RBL1: variants seen among roughly 807,000 people sequenced by gnomAD.
RBL1 encodes retinoblastoma-like protein 1.
A neutral mutation model predicts 123.0 loss-of-function variants in RBL1; 82 were observed. The ratio of observed to expected loss-of-function variants is 0.67; its 90% CI spans 0.56 to 0.80. The LOEUF (loss-of-function observed/expected upper bound fraction) is 0.80. RBL1 is among the 30% of genes least tolerant of loss of function. The probability of loss-of-function intolerance (pLI) is 0.00; values close to 1 mark genes in which losing one functional copy is unlikely to be tolerated. For missense variants in RBL1, 1,171 were observed against 1,299.6 expected (o/e 0.90, Z 1.52); for synonymous variants, 405 against 441.3 (o/e 0.92, Z 1.03).
chr20:37,031,009 G>A (rs1174301574), intron 16 of RBL1, among the ~76,000 whole-genome samples: 1 of 151,986 alleles, frequency 6.6e-6, no homozygotes, highest in East Asian at 1.9e-4. Context: ...CTGCGTGACT[G>A]CACTCCAGCC....
At chr20:37,067,761 C>G (rs999663513) in intron 3 of RBL1, among the ~76,000 whole-genome samples, 11 of 77,394 alleles carry the variant, frequency 1.4e-4, no homozygotes, top group African/African-American at 6.5e-4. Context: ...CAGAATGAGA[C>G]TCCTCAAAAA....
At position 37,035,275 on chromosome 20, in the gene RBL1, T is replaced by C. The variant is rs769982656; in HGVS notation, c.2137A>G (p.Thr713Ala). 1 of 1,613,982 alleles carries C rather than the reference T, an allele frequency of 6.2e-7. No homozygotes were observed. Among genetic ancestry groups the C allele is most frequent in the Non-Finnish European group, 8.5e-7 (1 of 1,179,832 alleles). Residue 713 changes from threonine (T) to alanine (A), a missense_variant, in exon 15 of 22, where the codon ACA becomes GCA. Coordinates refer to ENST00000373664, the MANE Select transcript of RBL1 (RefSeq NM_002895.5). ...GGAATTGTAACTTTATGTCCTGTTG[T>C]TCCTGTTACTGGGGCTGTGGCCATT... is the stretch of plus-strand genomic sequence containing the variant. The part of the protein sequence containing the change: ...LTMATAPVTG[T>A]TGHKVTIPLH...
At chr20:37,086,546 A>C (rs1158575677) in intron 2 of RBL1, among the ~76,000 whole-genome samples, 1 of 152,168 alleles carries the variant, frequency 6.6e-6, no homozygotes, top group Non-Finnish European at 1.5e-5. Flanking sequence ...GTCTCAAAAA[A>C]TAAAAATAAA....
At chr20:37,040,326 C>T in intron 13 of RBL1, 41 bp from the exon 14 acceptor site, 1 of 1,593,638 alleles carries the variant, frequency 6.3e-7, no homozygotes, top group African/African-American at 1.4e-5. Flanking sequence ...TATAGATAAA[C>T]TTGCTGATTA....
intron 1 of RBL1, among the ~76,000 whole-genome samples, chr20:37,089,521 G>C (rs1568897402): frequency 6.6e-6 from 1 of 152,018 alleles, no homozygotes; most frequent in African/African-American, 2.4e-5. Context: ...GTGCTTGCCT[G>C]CAGTCCCAGC....
intron 11 of RBL1, chr20:37,049,434 G>A: frequency 1.3e-6 from 1 of 751,410 alleles, no homozygotes; most frequent in East Asian, 2.4e-5. Flanking sequence ...TTCAAAAGGA[G>A]TCTACTCTTC....
At chr20:37,089,573 G>A (rs2065613705) in intron 1 of RBL1, among the ~76,000 whole-genome samples, 1 of 151,518 alleles carries the variant, frequency 6.6e-6, no homozygotes, top group African/African-American at 2.4e-5. Context: ...AAGCTCAGGA[G>A]TTCAAGACTG....
At chr20:37,037,221 C>A (rs911695451) in intron 14 of RBL1, among the ~76,000 whole-genome samples, 2 of 152,150 alleles carry the variant, frequency 1.3e-5, no homozygotes, top group Non-Finnish European at 2.9e-5. Flanking sequence ...CATTTCAAGG[C>A]AAGACTCGAG....
intron 9 of RBL1, among the ~76,000 whole-genome samples, chr20:37,060,173 A>AGAAT: frequency 6.8e-6 from 1 of 146,398 alleles, no homozygotes; most frequent in African/African-American, 2.5e-5. Flanking sequence ...ACTCTGTCTC[A>AGAAT]AAATAAATAA....
intron 20 of RBL1, among the ~76,000 whole-genome samples, chr20:37,004,944 G>T (rs2064046513): frequency 1.3e-5 from 2 of 151,888 alleles, no homozygotes; most frequent in African/African-American, 4.8e-5. Flanking sequence ...TCGGGAGGCT[G>T]AGCATGACAG....
Position 37,055,568 on chromosome 20 carries a change from A to T in RBL1, c.1452T>A (p.His484Gln). Reference sequence around the variant, plus strand: ...ATTTACTTACTGACATGTCCATTCCATGAAGTCTTCGTGTTTCCTGAACCA... The same window carrying T: ...ATTTACTTACTGACATGTCCATTCCTTGAAGTCTTCGTGTTTCCTGAACCA... ...TVMVQETRRL[H>Q]GMDMSVLLEQ... Residue 484 changes from histidine (H) to glutamine (Q), a missense_variant, in exon 11 of 22, where the codon CAT (histidine) becomes CAA (glutamine). Physicochemically the swap from His to Gln is conservative, Grantham distance 24. Coordinates refer to ENST00000373664, the MANE Select transcript of RBL1 (RefSeq NM_002895.5). 6.2e-7 allele frequency: 1 copy of T among 1,614,106 alleles called. No individual in the cohort carries two copies. Among genetic ancestry groups the T allele is most frequent in the Non-Finnish European group, 8.5e-7 (1 of 1,180,008 alleles).
chr20:37,003,507 C>G, intron 21 of RBL1, 195 bp downstream of exon 21: 1 of 1,086,406 alleles, frequency 9.2e-7, no homozygotes, highest in Middle Eastern at 3.5e-4. Context: ...CCACAAATAC[C>G]ATGTCAATAA....
At chr20:37,038,106 C>T (rs764773835) in intron 14 of RBL1, among the ~76,000 whole-genome samples, 15 of 150,374 alleles carry the variant, frequency 1.0e-4, no homozygotes, top group Admixed American at 3.3e-4. Flanking sequence ...ATTCTACTGC[C>T]TTAGCTGCCT....
At chr20:37,043,278 G>C (rs2064763819) in intron 13 of RBL1, among the ~76,000 whole-genome samples, 1 of 151,934 alleles carries the variant, frequency 6.6e-6, no homozygotes, top group Non-Finnish European at 1.5e-5. Context: ...CATGAGGTCA[G>C]GAGTTCAAGA....
At chr20:37,024,667 T>C (rs1467773493) in intron 16 of RBL1, among the ~76,000 whole-genome samples, 1 of 152,216 alleles carries the variant, frequency 6.6e-6, no homozygotes, top group Non-Finnish European at 1.5e-5. Context: ...GAGCAGGTTA[T>C]AATTAAATGA....
intron 20 of RBL1, among the ~76,000 whole-genome samples, chr20:37,004,674 C>T (rs2064040818): frequency 6.8e-6 from 1 of 146,838 alleles, no homozygotes; most frequent in African/African-American, 2.5e-5. Flanking sequence ...CAGATTGTGC[C>T]ACTGCACTCC....
chr20:37,009,667 A>G (rs1326473303), intron 19 of RBL1, among the ~76,000 whole-genome samples: 1 of 151,948 alleles, frequency 6.6e-6, no homozygotes, highest in Non-Finnish European at 1.5e-5. Context: ...GTCTAAAATT[A>G]TTTAATGTCC....
rs370104782 is a variant in RBL1 at position 37,009,146 on chromosome 20, T to C, written c.2723-1587A>G. ...ATCCAGCGACTCTCCTGCCTCAGCC[T>C]CCTGGGTAGCTGGGATTACAGAAGC... On this transcript the variant is annotated intron_variant, in intron 19 of 21. Transcript: ENST00000373664. Among the ~76,000 whole-genome samples the C allele has an allele frequency of 3.0e-4, 46 of 152,208 alleles. No individual in the cohort carries two copies. The East Asian group carries it at 3.3e-3, about 11-fold the overall frequency.
At chr20:37,002,195 AT>A (rs1044428973) in intron 21 of RBL1, among the ~76,000 whole-genome samples, 1 of 149,954 alleles carries the variant, frequency 6.7e-6, no homozygotes, top group Non-Finnish European at 1.5e-5. Flanking sequence ...ATGCCTGGCT[AT>A]TTTTTTGTCT....
Sources: allele counts gnomAD v4.1 joint callset (sites outside exome capture counted in the v4.1 genomes callset), GRCh38; gene constraint gnomAD v4.1.1; transcripts MANE v1.5; gene names NCBI Gene and HGNC (gene_info 2026-07-23, HGNC 2026-07-21).